ACAD11: variants seen among roughly 807,000 people sequenced by gnomAD.
ACAD11 encodes the protein acyl-Coenzyme A dehydrogenase family, member 11.
ACAD11 carries 83 observed loss-of-function variants against 102.2 expected under a neutral mutation model. The ratio of observed to expected loss-of-function variants is 0.81; its 90% CI spans 0.68 to 0.97. ACAD11 has a LOEUF of 0.97. Among genes scored for constraint, ACAD11 ranks in the 50% least tolerant of loss-of-function variants. The pLI is 0.00. For missense variants in ACAD11, 901 were observed against 951.7 expected (o/e 0.95, Z 0.70); for synonymous variants, 324 against 319.8 (o/e 1.01, Z -0.14).
rs747445374 is a variant in ACAD11 at position 132,639,638 on chromosome 3, G to T, written c.556C>A (p.Gln186Lys). 1 of 1,613,198 alleles carries T rather than the reference G, an allele frequency of 6.2e-7. No homozygotes were observed. Among genetic ancestry groups the T allele is most frequent in the South Asian group, 1.1e-5 (1 of 90,824 alleles). Reference sequence around the variant, plus strand: ...TCCTGATGAGCTGCAGCTTGATATTGCTTTGTCCAGGTTGATACCTAAAGA... The same window carrying T: ...TCCTGATGAGCTGCAGCTTGATATTTCTTTGTCCAGGTTGATACCTAAAGA... ...CKRQVSTWTK[Q>K]YQAAAHQDIP... The change falls in exon 5 of 20, where the codon CAA (glutamine) becomes AAA (lysine). Residue 186 changes from glutamine to lysine, a missense_variant. By Grantham distance (53) the Gln-to-Lys change is moderately conservative. Transcript: ENST00000264990.
At chr3:132,615,202 T>C (rs1208169399) in intron 11 of ACAD11, among the ~76,000 whole-genome samples, 1 of 152,022 alleles carries the variant, frequency 6.6e-6, no homozygotes, top group Non-Finnish European at 1.5e-5. Context: ...TGTGGAGAAA[T>C]AGGAAAGCTT....
intron 16 of ACAD11, among the ~76,000 whole-genome samples, chr3:132,576,360 G>A (rs1165675722): frequency 6.6e-6 from 1 of 152,154 alleles, no homozygotes; most frequent in Non-Finnish European, 1.5e-5. Context: ...CTGGTGAATG[G>A]ATGGGATGAA....
chr3:132,623,998 C>T lies in ACAD11; in HGVS notation c.1197+2693G>A, dbSNP rs1487537173. 5.3e-5 allele frequency among the ~76,000 whole-genome samples: 8 copies of T among 150,950 alleles called. No individual in the cohort carries two copies. The South Asian group carries it at 1.5e-3, about 28-fold the overall frequency. On this transcript the variant is annotated intron_variant, in intron 9 of 19. Coordinates refer to ENST00000264990, the MANE Select transcript of ACAD11 (RefSeq NM_032169.5). ...TTTCTGCCCAATCCCCACCACCCCC[C>T]ACCACCCTCCCCCACCCCCGAAAAA...
chr3:132,635,790 T>C (rs1456664026), intron 5 of ACAD11, among the ~76,000 whole-genome samples: 1 of 152,092 alleles, frequency 6.6e-6, no homozygotes, highest in Non-Finnish European at 1.5e-5. Context: ...ATTGTTACTG[T>C]GGAAAAAAAT....
chr3:132,599,658 T>G (rs1011822416), intron 13 of ACAD11, among the ~76,000 whole-genome samples: 1 of 152,184 alleles, frequency 6.6e-6, no homozygotes, highest in South Asian at 2.1e-4. Context: ...GAATCAGAAC[T>G]TGGGAACTGA....
chr3:132,659,457 T>C, intron 1 of ACAD11, 146 bp downstream of exon 1: 1 of 1,146,884 alleles, frequency 8.7e-7, no homozygotes, highest in East Asian at 2.8e-5. Context: ...GGGCCGGCAA[T>C]AGCAGCTCAT....
chr3:132,579,581 C>A (rs1256581542), intron 13 of ACAD11, 23 bp from the exon 14 acceptor site: 3 of 1,606,782 alleles, frequency 1.9e-6, no homozygotes, highest in Non-Finnish European at 2.6e-6. Context: ...GGAACACAAG[C>A]AGATTATAAA....
chr3:132,603,897 A>AT (rs1162517335), intron 12 of ACAD11, among the ~76,000 whole-genome samples: 1 of 152,208 alleles, frequency 6.6e-6, no homozygotes, highest in Admixed American at 6.5e-5. Flanking sequence ...AATCATAGCA[A>AT]TCTGCACTTG....
intron 9 of ACAD11, among the ~76,000 whole-genome samples, chr3:132,623,268 A>C (rs1189946276): frequency 2.6e-5 from 4 of 152,186 alleles, no homozygotes; most frequent in Non-Finnish European, 5.9e-5. Flanking sequence ...AGTGCTGTTA[A>C]AGTATTGTAT....
chr3:132,609,097 A>G (rs1249787125), intron 11 of ACAD11, among the ~76,000 whole-genome samples: 12 of 152,222 alleles, frequency 7.9e-5, no homozygotes, highest in Non-Finnish European at 1.8e-4. Context: ...AACCAATAAG[A>G]ACAAAGACAC....
chr3:132,632,688 T>G (rs1028761222), intron 5 of ACAD11, among the ~76,000 whole-genome samples: 3 of 152,214 alleles, frequency 2.0e-5, no homozygotes, highest in Admixed American at 2.0e-4. Context: ...ATTTTCACAA[T>G]ATTGATTCTT....
intron 4 of ACAD11, among the ~76,000 whole-genome samples, chr3:132,641,741 T>C (rs1408929189): frequency 6.7e-6 from 1 of 148,980 alleles, no homozygotes; most frequent in African/African-American, 2.5e-5. Flanking sequence ...AAAAACTGTA[T>C]AGTTAAAAGT....
chr3:132,586,809 T>G (rs1937855544), intron 13 of ACAD11, among the ~76,000 whole-genome samples: 2 of 152,226 alleles, frequency 1.3e-5, no homozygotes, highest in Admixed American at 6.5e-5. Context: ...AAGTCTATAA[T>G]AGGCTGGGCA....
intron 15 of ACAD11, 82 bp downstream of exon 15, chr3:132,578,714 T>G: frequency 6.8e-7 from 1 of 1,461,888 alleles, no homozygotes; most frequent in South Asian, 1.2e-5. Context: ...TCTTATGCAT[T>G]AAAATGCTAT....
At chr3:132,650,803 A>G (rs1381409609) in intron 1 of ACAD11, among the ~76,000 whole-genome samples, 2 of 152,122 alleles carry the variant, frequency 1.3e-5, no homozygotes, top group Non-Finnish European at 2.9e-5. Flanking sequence ...AACTGGTTTC[A>G]TTGTGTTCTT....
chr3:132,609,054 T>C (rs1049394058), intron 11 of ACAD11, among the ~76,000 whole-genome samples: 1 of 151,974 alleles, frequency 6.6e-6, no homozygotes, highest in Non-Finnish European at 1.5e-5. Flanking sequence ...GGGTAAATAA[T>C]GAAATTAAGG....
At chr3:132,565,399 C>G (rs1379820890) in intron 17 of ACAD11, among the ~76,000 whole-genome samples, 2 of 152,258 alleles carry the variant, frequency 1.3e-5, no homozygotes, top group Non-Finnish European at 2.9e-5. Flanking sequence ...CTGATGGAAG[C>G]TGGGAGGGGA....
intron 13 of ACAD11, among the ~76,000 whole-genome samples, chr3:132,596,099 C>T (rs1291628117): frequency 6.6e-6 from 1 of 152,056 alleles, no homozygotes; most frequent in African/African-American, 2.4e-5. Flanking sequence ...ACTATGTAGC[C>T]ATAAAAAAGA....
Position 132,558,449 on chromosome 3 carries a change from G to C in ACAD11, c.*522C>G, listed in dbSNP as rs1202649345. 6.4e-6 allele frequency: 1 copy of C among 155,784 alleles called. No individual in the cohort carries two copies. Among genetic ancestry groups the C allele is most frequent in the Admixed American group, 6.5e-5 (1 of 15,370 alleles). The allele number at this position is 155,784 out of a possible 1,614,324, so 9.7% of individuals were successfully genotyped here. On this transcript the variant is annotated 3_prime_UTR_variant, in exon 20 of 20. Transcript: ENST00000264990. The stretch of plus-strand genomic sequence containing the variant: ...GGCCCACACAACACACCAGGGATCA[G>C]AGCCAGGTCAAATTCTTGCTCCCCA...
Sources: gnomAD v4.1 joint callset for allele counts (sites outside exome capture counted in the v4.1 genomes callset) on GRCh38, gnomAD v4.1.1 for gene constraint, MANE v1.5 for transcripts, NCBI Gene and HGNC (gene_info 2026-07-23, HGNC 2026-07-21) for gene names.